Variants in ME1 observed in about 807,000 individuals in gnomAD.
ME1 encodes the protein malic enzyme 1.
A neutral mutation model predicts 66.4 loss-of-function variants in ME1; 74 were observed. That is an observed-to-expected ratio of 1.11 (90% CI 0.92 to 1.35). The LOEUF is 1.35. ME1 is among the 40% of genes most tolerant of loss of function. ME1 has a pLI of 0.00. For synonymous variants in ME1, 251 were observed against 235.6 expected, an observed-to-expected ratio of 1.07 and a Z score of -0.60; for missense variants, 750 against 694.1, an observed-to-expected ratio of 1.08 and a Z score of -0.90.
intron 6 of ME1, among the ~76,000 whole-genome samples, chr6:83,281,596 G>T (rs113867678): frequency 6.6e-6 from 1 of 151,690 alleles, no homozygotes; most frequent in African/African-American, 2.4e-5. Context: ...ACTTGAGGTC[G>T]GGAGTTTGAG....
intron 11 of ME1, among the ~76,000 whole-genome samples, chr6:83,224,164 G>T (rs1790143929): frequency 6.6e-6 from 1 of 152,136 alleles, no homozygotes. Flanking sequence ...GGAGGAGCAT[G>T]CAAAGTACAG....
At chr6:83,229,265 G>T (rs1012310714) in intron 9 of ME1, 10 of 403,086 alleles carry the variant, frequency 2.5e-5, no homozygotes, top group Non-Finnish European at 4.7e-5. Flanking sequence ...TATATTGTTC[G>T]TCACACATTG....
At chr6:83,230,130 T>G (rs1359938696) in intron 9 of ME1, among the ~76,000 whole-genome samples, 4 of 150,760 alleles carry the variant, frequency 2.7e-5, no homozygotes, top group Non-Finnish European at 5.9e-5. Flanking sequence ...CAGGCTCTGT[T>G]TTTTTTTGTT....
intron 6 of ME1, among the ~76,000 whole-genome samples, chr6:83,256,720 T>C: frequency 6.6e-6 from 1 of 152,194 alleles, no homozygotes; most frequent in East Asian, 1.9e-4. Context: ...TAAACCATTC[T>C]ACTATAAAGA....
At chr6:83,419,067 A>C (rs16885184) in intron 1 of ME1, among the ~76,000 whole-genome samples, 5,785 of 152,294 alleles carry the variant, frequency 0.038, 361 homozygotes, top group African/African-American at 0.13. Flanking sequence ...ACTAGAAAGA[A>C]AGGTACGAAC....
chr6:83,250,469 C>T (rs2179848), intron 7 of ME1, among the ~76,000 whole-genome samples: 13,041 of 152,164 alleles, frequency 0.086, 783 homozygotes, highest in African/African-American at 0.16. Context: ...CTCTATAGTC[C>T]AAGCTCTTAA....
At chr6:83,243,801 A>G (rs1012805081) in intron 7 of ME1, among the ~76,000 whole-genome samples, 4 of 134,824 alleles carry the variant, frequency 3.0e-5, no homozygotes, top group Non-Finnish European at 4.6e-5. Flanking sequence ...TTATATTTAT[A>G]TATTATATAT....
chr6:83,218,759 T>C (rs1790036958), intron 12 of ME1, among the ~76,000 whole-genome samples: 1 of 152,194 alleles, frequency 6.6e-6, no homozygotes. Flanking sequence ...TTTGAAGAAG[T>C]AGTCTTTAAC....
At position 83,395,886 on chromosome 6, in the gene ME1, C is replaced by A. The variant is rs1251386113; in HGVS notation, c.362+2481G>T. ...ATTAGAAAGGAAGAAGTTAAATGGT[C>A]TCTGTTTGCAGACAATATCATCATA... is the stretch of plus-strand genomic sequence containing the variant. On this transcript the variant is annotated intron_variant, in intron 3 of 13. Coordinates refer to ENST00000369705, the MANE Select transcript of ME1 (RefSeq NM_002395.6). Among the ~76,000 whole-genome samples the A allele has an allele frequency of 3.3e-5, 5 of 151,774 alleles. No homozygotes were observed. In the East Asian group the frequency reaches 9.7e-4, roughly 29 times the overall value.
chr6:83,333,943 C>G (rs1490670673), intron 5 of ME1, among the ~76,000 whole-genome samples: 1 of 151,772 alleles, frequency 6.6e-6, no homozygotes, highest in Non-Finnish European at 1.5e-5. Flanking sequence ...ATATAAAACT[C>G]CAAGTCAGGG....
At chr6:83,273,482 C>T (rs1428091279) in intron 6 of ME1, among the ~76,000 whole-genome samples, 6 of 152,034 alleles carry the variant, frequency 3.9e-5, no homozygotes, top group Non-Finnish European at 7.4e-5. Flanking sequence ...AACAATCAAC[C>T]ACCTCAACTC....
intron 5 of ME1, among the ~76,000 whole-genome samples, chr6:83,317,937 C>T (rs987330115): frequency 1.3e-5 from 2 of 152,084 alleles, no homozygotes; most frequent in African/African-American, 4.8e-5. Flanking sequence ...CAGCATGGTA[C>T]TGGTACCAAA....
chr6:83,255,398 C>G (rs1477120347), intron 6 of ME1, among the ~76,000 whole-genome samples: 2 of 151,774 alleles, frequency 1.3e-5, no homozygotes, highest in Non-Finnish European at 2.9e-5. Context: ...ATTGTTTTCA[C>G]CAAATAAATT....
At chr6:83,286,269 T>C (rs1416047486) in intron 6 of ME1, among the ~76,000 whole-genome samples, 1 of 152,154 alleles carries the variant, frequency 6.6e-6, no homozygotes. Flanking sequence ...GTTTTGAGAA[T>C]AAAAATAATT....
intron 3 of ME1, among the ~76,000 whole-genome samples, chr6:83,391,960 A>G (rs2128549865): frequency 6.6e-6 from 1 of 152,298 alleles, no homozygotes. Context: ...CTTTCTCCAT[A>G]ACACTTATCA....
intron 3 of ME1, among the ~76,000 whole-genome samples, chr6:83,379,245 A>G (rs1354961641): frequency 6.6e-6 from 1 of 152,154 alleles, no homozygotes; most frequent in Admixed American, 6.5e-5. Context: ...CTTTGCAAAA[A>G]GAAATCTACA....
At chr6:83,288,230 A>G (rs1767434358) in intron 6 of ME1, among the ~76,000 whole-genome samples, 1 of 152,100 alleles carries the variant, frequency 6.6e-6, no homozygotes, top group Admixed American at 6.6e-5. Flanking sequence ...GTATTTGCCC[A>G]TGCCTATGTC....
chr6:83,399,131 A>T (rs1338052648), intron 2 of ME1, among the ~76,000 whole-genome samples: 1 of 151,754 alleles, frequency 6.6e-6, no homozygotes, highest in African/African-American at 2.4e-5. Context: ...AGTAGCTGGG[A>T]CTACAGGCGT....
rs1770474148 is a variant in ME1, at chr6:83,430,896, C to T, written c.59G>A (p.Arg20Gln). 4 of 1,602,910 alleles carry T rather than the reference C, an allele frequency of 2.5e-6. No individual in the cohort carries two copies. The highest frequency in any genetic ancestry group is 3.4e-6 in the Non-Finnish European group (4 of 1,175,138). Reference protein sequence around the residue: ...HTHQRGYLLTRNPHLNKDLAF... With the variant: ...HTHQRGYLLTQNPHLNKDLAF... ...GTTTACCTTGTTGAGGTGAGGGTTC[C>T]GTGTCAGCAGGTAGCCGCGCTGATG... The change falls in exon 1 of 14, where the codon CGG (arginine) becomes CAG (glutamine). Residue 20 changes from arginine to glutamine, a missense_variant. By Grantham distance (43) the Arg-to-Gln change is conservative (BLOSUM62 1). Coordinates refer to ENST00000369705, the MANE Select transcript of ME1 (RefSeq NM_002395.6).
Sources: gnomAD v4.1 joint callset for allele counts (sites outside exome capture counted in the v4.1 genomes callset) on GRCh38, gnomAD v4.1.1 for gene constraint, MANE v1.5 for transcripts, NCBI Gene and HGNC (gene_info 2026-07-23, HGNC 2026-07-21) for gene names.